The following SAMD8 variants were observed in gnomAD, a reference collection of about 807,000 sequenced individuals.
SAMD8 encodes sphingomyelin synthase-related protein 1.
A neutral mutation model predicts 42.0 loss-of-function variants in SAMD8; 20 were observed. The observed-to-expected ratio is 0.48, with a 90% CI of 0.34 to 0.69. The LOEUF (loss-of-function observed/expected upper bound fraction) is 0.69, where lower values mean the gene tolerates loss of function less well. Ranked by LOEUF, SAMD8 falls within the 30% of genes least tolerant of loss-of-function variation. SAMD8 has a pLI of 0.01. For synonymous variants in SAMD8, 162 were observed against 173.0 expected (o/e 0.94, Z 0.50); for missense variants, 328 against 511.6 (o/e 0.64, Z 3.46).
At chr10:75,111,341 T>C, upstream of SAMD8, 2 of 430,084 alleles carry the variant, frequency 4.7e-6, no homozygotes, top group Non-Finnish European at 7.6e-6. Context: ...CGCTTTGGCC[T>C]CCGGCATGAC....
chr10:75,153,571 G>A (rs1310481366), intron 2 of SAMD8, among the ~76,000 whole-genome samples: 2 of 151,052 alleles, frequency 1.3e-5, no homozygotes, highest in Non-Finnish European at 2.9e-5. Context: ...CCGAGATCGC[G>A]CCATCGCACT....
chr10:75,123,186 C>T (rs1368287226), intron 1 of SAMD8, among the ~76,000 whole-genome samples: 7 of 146,132 alleles, frequency 4.8e-5, no homozygotes, highest in Non-Finnish European at 9.1e-5. Flanking sequence ...CCCACCCCAC[C>T]CCACCCCACC....
At chr10:75,107,350 A>G (rs1848580432), upstream of SAMD8, among the ~76,000 whole-genome samples, 1 of 151,920 alleles carries the variant, frequency 6.6e-6, no homozygotes, top group Non-Finnish European at 1.5e-5. Flanking sequence ...GTCTCAGAAA[A>G]AAAAAAAAAA....
intron 1 of SAMD8, among the ~76,000 whole-genome samples, chr10:75,148,461 C>T (rs1840200763): frequency 1.3e-5 from 2 of 151,016 alleles, no homozygotes; most frequent in African/African-American, 4.9e-5. Flanking sequence ...TCACGCCATC[C>T]TCCTGCCTCA....
intron 1 of SAMD8, among the ~76,000 whole-genome samples, chr10:75,101,371 T>C (rs1430695861): frequency 6.6e-6 from 1 of 152,302 alleles, no homozygotes; most frequent in East Asian, 1.9e-4. Context: ...CTATAATTAC[T>C]CTTACCCTTT....
intron 1 of SAMD8, among the ~76,000 whole-genome samples, chr10:75,115,144 A>G (rs1012218768): frequency 3.9e-5 from 6 of 152,262 alleles, no homozygotes; most frequent in Admixed American, 3.9e-4. Flanking sequence ...TTTACAAATA[A>G]AGAGTTACTT....
chr10:75,124,467 G>A (rs1849080693), intron 1 of SAMD8, among the ~76,000 whole-genome samples: 1 of 152,060 alleles, frequency 6.6e-6, no homozygotes, highest in Non-Finnish European at 1.5e-5. Context: ...ACAAAAATTA[G>A]CCAGGCGTGG....
chr10:75,180,302 TG>T lies in SAMD8; in HGVS notation c.*3611del, dbSNP rs1223382271. 3 of 152,232 alleles carry T rather than the reference TG, an allele frequency of 2.0e-5. No individual in the cohort carries two copies. The highest frequency in any genetic ancestry group is 4.1e-4 in the South Asian group (2 of 4,836). The allele number at this position is 152,232 out of a possible 1,614,324, so 9.4% of individuals were successfully genotyped here. The stretch of plus-strand genomic sequence containing the variant: ...CCAGTCAGTTAAATAATGCGGACTA[TG>T]CCTATAATCCCAGCACTTTAGGAGG... On this transcript the variant is annotated 3_prime_UTR_variant, in exon 6 of 6. Coordinates refer to ENST00000542569, the MANE Select transcript of SAMD8 (RefSeq NM_001174156.2).
At chr10:75,171,143 TTTC>T (rs1264777219) in intron 4 of SAMD8, among the ~76,000 whole-genome samples, 2 of 138,538 alleles carry the variant, frequency 1.4e-5, no homozygotes, top group Non-Finnish European at 3.2e-5. Flanking sequence ...TTTCCTTTTC[TTTC>T]TTTCTTTCTT....
chr10:75,164,865 T>C (rs957103737), intron 3 of SAMD8, 125 bp downstream of exon 3: 19 of 705,820 alleles, frequency 2.7e-5, no homozygotes, highest in African/African-American at 2.1e-4. Flanking sequence ...GACATAGTTA[T>C]TAACAAAGGA....
chr10:75,136,242 G>A (rs1187745712), intron 1 of SAMD8, among the ~76,000 whole-genome samples: 1 of 151,976 alleles, frequency 6.6e-6, no homozygotes, highest in Non-Finnish European at 1.5e-5. Flanking sequence ...TTACTAATAG[G>A]TTATTTTACT....
intron 1 of SAMD8, chr10:75,103,915 G>T (rs553525881): frequency 3.8e-6 from 5 of 1,313,432 alleles, no homozygotes; most frequent in African/African-American, 1.5e-5. Context: ...GAAGACAGTG[G>T]CTGAGAGGGG....
At chr10:75,175,515 C>CATTT (rs549084623) in intron 4 of SAMD8, among the ~76,000 whole-genome samples, 5,871 of 151,656 alleles carry the variant, frequency 0.039, 156 homozygotes, top group African/African-American at 0.07. Flanking sequence ...ACAGTGATTT[C>CATTT]ATTTATTTAT....
chr10:75,171,292 G>A (rs969540371), intron 4 of SAMD8, among the ~76,000 whole-genome samples: 4 of 141,946 alleles, frequency 2.8e-5, no homozygotes, highest in East Asian at 2.3e-4. Context: ...TCAGCCTCCC[G>A]AGTAGCTGGG....
chr10:75,139,187 T>C (rs535528414), intron 1 of SAMD8, among the ~76,000 whole-genome samples: 1 of 152,152 alleles, frequency 6.6e-6, no homozygotes, highest in African/African-American at 2.4e-5. Context: ...CAGGCTGGTC[T>C]CAAACTCCTG....
At chr10:75,142,539 C>T (rs1211018668) in intron 1 of SAMD8, among the ~76,000 whole-genome samples, 6 of 152,190 alleles carry the variant, frequency 3.9e-5, no homozygotes, top group African/African-American at 1.4e-4. Flanking sequence ...CAGGTTCAAG[C>T]GATTCTTCTG....
intron 1 of SAMD8, among the ~76,000 whole-genome samples, chr10:75,118,139 A>T (rs113225639): frequency 3.0e-3 from 460 of 152,342 alleles, no homozygotes; most frequent in African/African-American, 0.011. Context: ...TGCAGCCAAG[A>T]GAATGATGAT....
chr10:75,123,920 G>T (rs1849066033), intron 1 of SAMD8, among the ~76,000 whole-genome samples: 1 of 152,064 alleles, frequency 6.6e-6, no homozygotes, highest in Non-Finnish European at 1.5e-5. Context: ...TAGAGACGGA[G>T]TTTCACCATG....
At chr10:75,112,506 T>C (rs576302520) in intron 1 of SAMD8, among the ~76,000 whole-genome samples, 1 of 152,274 alleles carries the variant, frequency 6.6e-6, no homozygotes, top group East Asian at 1.9e-4. Flanking sequence ...GAAGGGGCGG[T>C]GTGAATCACT....
Sources: gnomAD v4.1 joint callset for allele counts (sites outside exome capture counted in the v4.1 genomes callset) on GRCh38, gnomAD v4.1.1 for gene constraint, MANE v1.5 for transcripts, NCBI Gene and HGNC (gene_info 2026-07-23, HGNC 2026-07-21) for gene names.